Variants in POLR1C observed in about 807,000 individuals in gnomAD.
POLR1C encodes DNA-directed RNA polymerases I and III subunit RPAC1.
POLR1C carries 42 observed loss-of-function variants against 38.3 expected under a neutral mutation model. The ratio of observed to expected loss-of-function variants is 1.10; its 90% CI spans 0.86 to 1.42. The LOEUF (loss-of-function observed/expected upper bound fraction) is 1.42. Among genes scored for constraint, POLR1C ranks in the 40% most tolerant of loss-of-function variants. The pLI, the probability that POLR1C is intolerant of heterozygous loss-of-function variation, is 0.00. For missense variants in POLR1C, 507 were observed against 450.5 expected, an observed-to-expected ratio of 1.13 and a Z score of -1.14; for synonymous variants, 163 against 163.9, an observed-to-expected ratio of 0.99 and a Z score of 0.04.
At chr6:43,523,099 T>C (rs771970948), downstream of POLR1C, 144 of 165,566 alleles carry the variant, frequency 8.7e-4, no homozygotes, top group Non-Finnish European at 1.2e-3. Context: ...TCTAGGGTAC[T>C]GTGGCTCTTG....
chr6:43,541,461 G>A (rs1794685939), intron 9 of POLR1C, among the ~76,000 whole-genome samples: 1 of 152,136 alleles, frequency 6.6e-6, no homozygotes, highest in South Asian at 2.1e-4. Context: ...CCATTTTAAA[G>A]TTCACAATTC....
At chr6:43,519,656 A>G (rs1793033553) in intron 3 of POLR1C, 50 bp from the exon 4 acceptor site, 3 of 1,613,718 alleles carry the variant, frequency 1.9e-6, no homozygotes, top group East Asian at 4.5e-5. Flanking sequence ...GGGGATAGGT[A>G]GGGGGTCTGT....
Position 43,518,065 on chromosome 6 carries a change from A to G in POLR1C, c.141+688A>G, listed in dbSNP as rs560251814. ...GGCTTGTGTGAAGTGTGCTCCGGGC[A>G]TGTCCAAGTAGTTCTGGCATGAGTG... On this transcript the variant is annotated intron_variant, in intron 2 of 8. Coordinates refer to ENST00000642195, the MANE Select transcript of POLR1C (RefSeq NM_203290.4). Among the ~76,000 whole-genome samples, 3 of 152,290 alleles carry G rather than the reference A, an allele frequency of 2.0e-5. No homozygotes were observed. In the South Asian group the frequency reaches 6.2e-4, roughly 32 times the overall value.
At chr6:43,558,731 C>G in intron 10 of POLR1C, 1 of 615,382 alleles carries the variant, frequency 1.6e-6, no homozygotes, top group South Asian at 2.4e-5. Context: ...ATATCCACTT[C>G]AGTTCTATCA....
At chr6:43,517,433 G>A in intron 2 of POLR1C, 56 bp downstream of exon 2, 1 of 1,461,262 alleles carries the variant, frequency 6.8e-7, no homozygotes, top group Non-Finnish European at 9.6e-7. Context: ...CTTGTGGTCT[G>A]AGCAGCCTGT....
downstream of POLR1C, chr6:43,524,798 C>T (rs1461441925): frequency 6.2e-7 from 1 of 1,610,954 alleles, no homozygotes; most frequent in Admixed American, 1.7e-5. Flanking sequence ...GATGAAGCTG[C>T]AGCCATCCTT....
At chr6:43,519,493 A>G in intron 3 of POLR1C, 53 bp downstream of exon 3, 1 of 1,390,774 alleles carries the variant, frequency 7.2e-7, no homozygotes, top group Non-Finnish European at 1.0e-6. Context: ...CTGCACTGAC[A>G]CCTCACTTGG....
chr6:43,561,144 A>G, intron 10 of POLR1C: 1 of 686,142 alleles, frequency 1.5e-6, no homozygotes, highest in Non-Finnish European at 2.5e-6. Flanking sequence ...CCTTTTGGCT[A>G]AAGAAAGGCA....
intron 9 of POLR1C, chr6:43,539,698 C>T (rs551014983): frequency 5.0e-5 from 37 of 738,194 alleles, no homozygotes; most frequent in African/African-American, 2.0e-4. Flanking sequence ...CGGCGTCATC[C>T]GCCATTTGGT....
At chr6:43,544,358 G>T (rs1477357789) in intron 9 of POLR1C, 1 of 152,696 alleles carries the variant, frequency 6.5e-6, no homozygotes, top group Non-Finnish European at 1.5e-5. Flanking sequence ...GTGAACACAT[G>T]AGAATCTTCC....
intron 9 of POLR1C, chr6:43,550,918 T>C (rs181383468): frequency 1.0e-3 from 164 of 156,984 alleles, no homozygotes; most frequent in Non-Finnish European, 2.0e-3. Flanking sequence ...CAAGTCTTCA[T>C]TGCAATGCCA....
intron 8 of POLR1C, 61 bp from the exon 9 acceptor site, chr6:43,521,121 G>A: frequency 1.7e-5 from 27 of 1,605,568 alleles, no homozygotes; most frequent in Non-Finnish European, 2.3e-5. Context: ...TAGATGTGAA[G>A]TTTATGAGTA....
At chr6:43,541,395 C>G (rs1381972311) in intron 9 of POLR1C, among the ~76,000 whole-genome samples, 1 of 152,214 alleles carries the variant, frequency 6.6e-6, no homozygotes, top group Admixed American at 6.5e-5. Flanking sequence ...TATGTATGTA[C>G]TGTGTACCCA....
chr6:43,556,010 T>G (rs746025880), intron 10 of POLR1C: 1 of 1,607,884 alleles, frequency 6.2e-7, no homozygotes, highest in South Asian at 1.1e-5. Flanking sequence ...CAATAACTGG[T>G]ATAAAATAAG....
chr6:43,527,869 A>G, intron 8 of POLR1C: 4 of 841,798 alleles, frequency 4.8e-6, no homozygotes, highest in Non-Finnish European at 7.4e-6. Context: ...GGGAATGGAC[A>G]GCAGTGATCC....
At chr6:43,535,533 AGTTTGTTCT>A (rs1794261611) in intron 9 of POLR1C, among the ~76,000 whole-genome samples, 1 of 152,112 alleles carries the variant, frequency 6.6e-6, no homozygotes, top group Admixed American at 6.6e-5. Flanking sequence ...AAGCCTCCAT[AGTTTGTTCT>A]GTTTGTTCTT....
chr6:43,539,494 G>A (rs1794562037), intron 9 of POLR1C: 1 of 1,571,756 alleles, frequency 6.4e-7, no homozygotes, highest in Non-Finnish European at 8.6e-7. Context: ...TCATGTCCTT[G>A]ACCAAGCGGC....
At chr6:43,534,242 C>T (rs1291115341), downstream of POLR1C, among the ~76,000 whole-genome samples, 2 of 152,014 alleles carry the variant, frequency 1.3e-5, no homozygotes, top group Non-Finnish European at 2.9e-5. Context: ...AGAACTAAAC[C>T]CCAAGACACA....
At chr6:43,517,226 A>G in intron 1 of POLR1C, 48 bp downstream of exon 1, 1 of 1,609,730 alleles carries the variant, frequency 6.2e-7, no homozygotes, top group Non-Finnish European at 8.5e-7. Flanking sequence ...AGAGCGGAAC[A>G]GGGATGGGTC....
Sources: allele counts gnomAD v4.1 joint callset (sites outside exome capture counted in the v4.1 genomes callset), GRCh38; gene constraint gnomAD v4.1.1; transcripts MANE v1.5; gene names NCBI Gene and HGNC (gene_info 2026-07-23, HGNC 2026-07-21).